LPAR1: variants seen among roughly 807,000 people sequenced by gnomAD.
LPAR1 encodes lysophosphatidic acid receptor 1.
Under a neutral mutation model 23.8 loss-of-function variants are expected in LPAR1, and 5 were observed. The ratio of observed to expected loss-of-function variants is 0.21; its 90% CI spans 0.11 to 0.44. The LOEUF (loss-of-function observed/expected upper bound fraction) is 0.44. LPAR1 is among the 20% of genes least tolerant of loss of function. LPAR1 has a pLI of 0.99. For synonymous variants in LPAR1, 160 were observed against 164.7 expected, an observed-to-expected ratio of 0.97 and a Z score of 0.22; for missense variants, 311 against 482.8, an observed-to-expected ratio of 0.64 and a Z score of 3.33.
At chr9:110,952,438 G>A (rs1295566999) in intron 4 of LPAR1, among the ~76,000 whole-genome samples, 4 of 152,046 alleles carry the variant, frequency 2.6e-5, no homozygotes, top group African/African-American at 9.7e-5. Context: ...GCACCACTTT[G>A]AGAACCCAGC....
intron 2 of LPAR1, among the ~76,000 whole-genome samples, chr9:111,002,125 A>G (rs1419775561): frequency 1.3e-5 from 2 of 152,190 alleles, no homozygotes; most frequent in African/African-American, 2.4e-5. Flanking sequence ...TTAAAGTTCT[A>G]TCTTCAGACT....
At chr9:110,937,177 C>T (rs896804685) in intron 5 of LPAR1, among the ~76,000 whole-genome samples, 4 of 152,170 alleles carry the variant, frequency 2.6e-5, no homozygotes, top group Non-Finnish European at 5.9e-5. Flanking sequence ...AAAGATTGCT[C>T]CCTTAAAAGC....
chr9:110,949,455 T>A (rs1200224250), intron 4 of LPAR1, among the ~76,000 whole-genome samples: 1 of 152,228 alleles, frequency 6.6e-6, no homozygotes, highest in African/African-American at 2.4e-5. Flanking sequence ...CTTAATATTT[T>A]AACATGCACA....
chr9:110,962,733 C>T (rs971703908), intron 4 of LPAR1, among the ~76,000 whole-genome samples: 3 of 152,174 alleles, frequency 2.0e-5, no homozygotes, highest in Non-Finnish European at 4.4e-5. Context: ...CTGCCTAACA[C>T]AATCATGTAT....
At chr9:110,979,006 G>T (rs1268608190) in intron 2 of LPAR1, among the ~76,000 whole-genome samples, 1 of 152,030 alleles carries the variant, frequency 6.6e-6, no homozygotes, top group African/African-American at 2.4e-5. Context: ...GGAGGAATAA[G>T]GTCAGATCCA....
intron 5 of LPAR1, among the ~76,000 whole-genome samples, chr9:110,894,740 G>T (rs761257497): frequency 6.6e-6 from 1 of 152,166 alleles, no homozygotes; most frequent in Non-Finnish European, 1.5e-5. Flanking sequence ...TAAGGGACAG[G>T]TGCAGTGGCT....
At chr9:110,992,600 TAAA>T (rs2096917380) in intron 2 of LPAR1, among the ~76,000 whole-genome samples, 1 of 151,494 alleles carries the variant, frequency 6.6e-6, no homozygotes, top group Non-Finnish European at 1.5e-5. Context: ...TGTCCATTCA[TAAA>T]TGAATGGACA....
intron 5 of LPAR1, among the ~76,000 whole-genome samples, chr9:110,905,881 C>A (rs1432806530): frequency 6.6e-6 from 1 of 152,110 alleles, no homozygotes; most frequent in African/African-American, 2.4e-5. Context: ...TGGCTCAATA[C>A]CCTGAGGTTC....
chr9:111,019,279 C>A (rs114656222), intron 2 of LPAR1, among the ~76,000 whole-genome samples: 1,615 of 152,018 alleles, frequency 0.011, 23 homozygotes, highest in African/African-American at 0.034. Context: ...GTCAACATCG[C>A]AAGACACCTT....
intron 5 of LPAR1, among the ~76,000 whole-genome samples, chr9:110,882,798 T>C (rs922154777): frequency 1.3e-5 from 2 of 152,186 alleles, no homozygotes; most frequent in African/African-American, 4.8e-5. Flanking sequence ...TTATGTAAAA[T>C]GTTAGCATGT....
chr9:110,969,713 GA>G (rs1011696686), intron 4 of LPAR1, among the ~76,000 whole-genome samples: 104 of 130,932 alleles, frequency 7.9e-4, no homozygotes, highest in East Asian at 5.3e-3. Context: ...CTCTGTCTCA[GA>G]AAAAAAAAAA....
At chr9:110,894,744 A>C (rs1210931799) in intron 5 of LPAR1, among the ~76,000 whole-genome samples, 15 of 152,144 alleles carry the variant, frequency 9.9e-5, no homozygotes, top group Non-Finnish European at 5.9e-5. Flanking sequence ...GGACAGGTGC[A>C]GTGGCTCACA....
rs552332398 is a variant in LPAR1 at position 110,887,577 on chromosome 9, T to G, written c.794-11855A>C. ...ATATCTCTCTTTATCAAAAACTTTT[T>G]CTAAATTAAAAAAATCCTTAAAGTA... On this transcript the variant is annotated intron_variant, in intron 5 of 5. Transcript: ENST00000683809. Among the ~76,000 whole-genome samples the G allele has an allele frequency of 3.3e-4, 51 of 152,256 alleles. 1 individual carries two copies. The highest frequency in any genetic ancestry group is 1.0e-3 in the African/African-American group (43 of 41,568).
intron 2 of LPAR1, among the ~76,000 whole-genome samples, chr9:111,030,045 CAAAAAAAAAAAAA>C (rs56962960): frequency 2.7e-5 from 2 of 75,228 alleles, no homozygotes; most frequent in African/African-American, 1.0e-4. Context: ...GGCTCTGCCT[CAAAAAAAAAAAAA>C]AAAAAAAAAA....
intron 5 of LPAR1, among the ~76,000 whole-genome samples, chr9:110,895,473 T>A (rs778448644): frequency 6.6e-6 from 1 of 152,206 alleles, no homozygotes; most frequent in Non-Finnish European, 1.5e-5. Flanking sequence ...AGAGGCCAGA[T>A]CTTCTTAGCC....
chr9:110,908,220 C>A (rs2091715115), intron 5 of LPAR1, among the ~76,000 whole-genome samples: 1 of 150,428 alleles, frequency 6.6e-6, no homozygotes, highest in African/African-American at 2.4e-5. Context: ...AAATAGTAAG[C>A]AATTTTAAAA....
chr9:110,914,587 T>A (rs1441753564), intron 5 of LPAR1, among the ~76,000 whole-genome samples: 1 of 152,222 alleles, frequency 6.6e-6, no homozygotes, highest in Non-Finnish European at 1.5e-5. Context: ...TATCAGTCTT[T>A]AATAAATGTG....
intron 4 of LPAR1, among the ~76,000 whole-genome samples, chr9:110,949,844 C>T (rs35462309): frequency 0.017 from 2,552 of 152,076 alleles, 84 homozygotes; most frequent in Admixed American, 0.065. Context: ...CAATTTCTTA[C>T]GACTAAATAG....
chr9:111,030,226 C>T (rs1386954492), intron 2 of LPAR1, among the ~76,000 whole-genome samples: 2 of 152,096 alleles, frequency 1.3e-5, no homozygotes, highest in Non-Finnish European at 2.9e-5. Context: ...CTTTACTTTT[C>T]TGTGCCTAGT....
Sources: gnomAD v4.1 joint callset for allele counts (sites outside exome capture counted in the v4.1 genomes callset) on GRCh38, gnomAD v4.1.1 for gene constraint, MANE v1.5 for transcripts, NCBI Gene and HGNC (gene_info 2026-07-23, HGNC 2026-07-21) for gene names.